Variants in WDR27 observed in about 807,000 individuals in gnomAD.
WDR27 encodes the protein WD repeat domain 27, also known as WD repeat-containing protein 27.
A neutral mutation model predicts 114.4 loss-of-function variants in WDR27; 100 were observed. The ratio of observed to expected loss-of-function variants is 0.87; its 90% CI spans 0.74 to 1.03. The LOEUF (loss-of-function observed/expected upper bound fraction) is 1.03, where lower values mean the gene tolerates loss of function less well. Among genes scored for constraint, WDR27 ranks in the 50% least tolerant of loss-of-function variants. The probability of loss-of-function intolerance (pLI) is 0.00; values close to 1 mark genes in which losing one functional copy is unlikely to be tolerated. For synonymous variants in WDR27, 449 were observed against 423.1 expected, an observed-to-expected ratio of 1.06 and a Z score of -0.75; for missense variants, 1,129 against 1,092.9, an observed-to-expected ratio of 1.03 and a Z score of -0.47.
chr6:169,558,525 C>T (rs555448952), intron 25 of WDR27: 3 of 152,012 alleles, frequency 2.0e-5, no homozygotes, highest in South Asian at 2.1e-4. Context: ...CACAGGCAGC[C>T]GAGGATTGGG....
At chr6:169,449,212 C>T in the WDR27 span, among the ~76,000 whole-genome samples, 1 of 152,298 alleles carries the variant, frequency 6.6e-6, no homozygotes, top group South Asian at 2.1e-4. Flanking sequence ...AAATGGATTA[C>T]TACATTCTGA....
rs76044046 is a variant in WDR27 at position 169,581,181 on chromosome 6, C to A, written c.2523+1655G>T. 9.2e-3 allele frequency among the ~76,000 whole-genome samples: 1,406 copies of A among 152,042 alleles called. 33 individuals are homozygous for A. Among genetic ancestry groups the A allele is most frequent in the African/African-American group, 0.033 (1,364 of 41,446 alleles). ...CATTAATCTCAAGGGCAAGAGAGAC[C>A]TACCCAACCTTTTTCTCACTGAAAA... On this transcript the variant is annotated intron_variant, in intron 24 of 25. Coordinates refer to ENST00000448612, the MANE Select transcript of WDR27 (RefSeq NM_182552.5).
intron 13 of WDR27, among the ~76,000 whole-genome samples, chr6:169,655,413 T>G (rs1823851031): frequency 6.6e-6 from 1 of 152,232 alleles, no homozygotes; most frequent in Non-Finnish European, 1.5e-5. Context: ...AACAGCAGCC[T>G]GGGACAAGCC....
intron 21 of WDR27, among the ~76,000 whole-genome samples, chr6:169,614,774 G>A (rs1363219681): frequency 2.0e-5 from 3 of 152,068 alleles, no homozygotes; most frequent in Admixed American, 1.3e-4. Context: ...ACTAATAATT[G>A]AGCAGGTATT....
At chr6:169,483,818 C>G (rs754417585) in intron 25 of WDR27, among the ~76,000 whole-genome samples, 2 of 151,892 alleles carry the variant, frequency 1.3e-5, no homozygotes, top group Non-Finnish European at 2.9e-5. Context: ...CATCCAAAAG[C>G]TAATCCACCA....
chr6:169,586,729 A>G (rs1769007511), intron 23 of WDR27, among the ~76,000 whole-genome samples: 1 of 151,680 alleles, frequency 6.6e-6, no homozygotes, highest in Non-Finnish European at 1.5e-5. Flanking sequence ...CGTGCCTGTA[A>G]TCACAGCTAC....
chr6:169,631,052 A>G (rs1490259422), intron 21 of WDR27, among the ~76,000 whole-genome samples: 1 of 152,234 alleles, frequency 6.6e-6, no homozygotes, highest in East Asian at 1.9e-4. Flanking sequence ...CTCATCATAA[A>G]TCACCAAACT....
chr6:169,503,715 C>T (rs555037112), intron 25 of WDR27, among the ~76,000 whole-genome samples: 2 of 152,018 alleles, frequency 1.3e-5, no homozygotes, highest in African/African-American at 2.4e-5. Context: ...TGGGCCTGCC[C>T]GGTATTCCCA....
intron 25 of WDR27, among the ~76,000 whole-genome samples, chr6:169,536,414 T>C (rs760963701): frequency 2.2e-4 from 33 of 152,228 alleles, no homozygotes; most frequent in Non-Finnish European, 3.4e-4. Context: ...GTCCATTATT[T>C]TTATGAACCT....
intron 21 of WDR27, among the ~76,000 whole-genome samples, chr6:169,631,520 G>A (rs1488913869): frequency 1.3e-5 from 2 of 152,238 alleles, no homozygotes; most frequent in African/African-American, 2.4e-5. Context: ...CACAGGGAGG[G>A]CACGGAGGTG....
rs141745837 is a variant in WDR27 at position 169,579,056 on chromosome 6, G to A, written c.2523+3780C>T. The stretch of plus-strand genomic sequence containing the variant: ...GTTTCTCCTCCTGATTGCAAAGACC[G>A]TCGCAGGCTTGGTGTCAGTGGCACC... On this transcript the variant is annotated intron_variant, in intron 24 of 25. Coordinates refer to ENST00000448612, the MANE Select transcript of WDR27 (RefSeq NM_182552.5). Among the ~76,000 whole-genome samples, 704 of 152,228 alleles carry A rather than the reference G, an allele frequency of 4.6e-3. 2 individuals are homozygous for A. Among genetic ancestry groups the A allele is most frequent in the Non-Finnish European group, 6.4e-3 (436 of 68,012 alleles).
intron 13 of WDR27, among the ~76,000 whole-genome samples, chr6:169,653,079 A>C (rs1823038667): frequency 1.3e-5 from 2 of 152,372 alleles, no homozygotes; most frequent in South Asian, 4.1e-4. Flanking sequence ...ATGGCGGCAG[A>C]CAAGACGAGC....
At chr6:169,642,992 C>A (rs1819618491) in intron 17 of WDR27, among the ~76,000 whole-genome samples, 1 of 152,200 alleles carries the variant, frequency 6.6e-6, no homozygotes. Context: ...CTTCAACGAG[C>A]ATCTCCTTGA....
Position 169,667,999 on chromosome 6 carries a change from C to CA in WDR27, c.642dup (p.Glu215Ter). On this transcript the variant is annotated frameshift_variant, in exon 5 of 26. Transcript: ENST00000448612. LOFTEE classifies it high-confidence loss of function. ...TCCCTCACCTTAAAGCCTCTGTCCT[C>CA]AGACGCCGAGATGAGGGTGCCTGCT... The CA allele has an allele frequency of 1.9e-6, 3 of 1,613,518 alleles. No homozygotes were observed. The highest frequency in any genetic ancestry group is 2.5e-6 in the Non-Finnish European group (3 of 1,179,738).
intron 25 of WDR27, among the ~76,000 whole-genome samples, chr6:169,507,403 T>C (rs531648455): frequency 3.9e-5 from 6 of 152,242 alleles, no homozygotes; most frequent in East Asian, 1.9e-4. Flanking sequence ...CTCTGCTTCA[T>C]AGATGTTCTC....
At chr6:169,495,566 A>G (rs968276433) in intron 25 of WDR27, among the ~76,000 whole-genome samples, 1 of 152,058 alleles carries the variant, frequency 6.6e-6, no homozygotes, top group Non-Finnish European at 1.5e-5. Context: ...GATTAAGGAA[A>G]GAAGATTCAA....
intron 21 of WDR27, among the ~76,000 whole-genome samples, chr6:169,627,584 G>A (rs769199909): frequency 1.2e-4 from 19 of 152,192 alleles, no homozygotes; most frequent in Non-Finnish European, 2.5e-4. Flanking sequence ...TGAGGCTCCC[G>A]AGGCGAGCCA....
At chr6:169,439,014 T>C in the WDR27 span, among the ~76,000 whole-genome samples, 1 of 152,198 alleles carries the variant, frequency 6.6e-6, no homozygotes, top group African/African-American at 2.4e-5. Context: ...TTTTTTAACA[T>C]CTTTAACAAA....
intron 2 of WDR27, among the ~76,000 whole-genome samples, chr6:169,675,255 C>T (rs992512485): frequency 6.6e-6 from 1 of 152,056 alleles, no homozygotes; most frequent in Non-Finnish European, 1.5e-5. Context: ...ATGGTGAGTT[C>T]TCATGAGATC....
Sources: gnomAD v4.1 joint callset for allele counts (sites outside exome capture counted in the v4.1 genomes callset) on GRCh38, gnomAD v4.1.1 for gene constraint, MANE v1.5 for transcripts, NCBI Gene and HGNC (gene_info 2026-07-23, HGNC 2026-07-21) for gene names.